ELOVL6: variants seen among roughly 807,000 people sequenced by gnomAD.
ELOVL6 encodes the protein very long chain fatty acid elongase 6.
ELOVL6 carries 8 observed loss-of-function variants against 31.7 expected under a neutral mutation model. That is an observed-to-expected ratio of 0.25 (90% CI 0.15 to 0.45). The LOEUF is 0.45. Ranked by LOEUF, ELOVL6 falls within the 20% of genes least tolerant of loss-of-function variation. The pLI is 1.00. For missense variants in ELOVL6, 126 were observed against 326.4 expected (o/e 0.39, Z 4.73); for synonymous variants, 101 against 117.7 (o/e 0.86, Z 0.92).
chr4:110,185,816 C>T (rs1578288014), intron 1 of ELOVL6, among the ~76,000 whole-genome samples: 1 of 142,568 alleles, frequency 7.0e-6, no homozygotes, highest in South Asian at 2.2e-4. Flanking sequence ...TACCTTCAAT[C>T]AGCCACTCCA....
chr4:110,109,182 A>C (rs1208037296), intron 1 of ELOVL6, among the ~76,000 whole-genome samples: 1 of 152,184 alleles, frequency 6.6e-6, no homozygotes, highest in African/African-American at 2.4e-5. Context: ...GCAGGCCTCC[A>C]TACTTGGGTA....
chr4:110,059,427 A>T (rs1235933061), intron 3 of ELOVL6, among the ~76,000 whole-genome samples, 176 bp downstream of exon 3: 1 of 152,256 alleles, frequency 6.6e-6, no homozygotes, highest in Non-Finnish European at 1.5e-5. Flanking sequence ...ATTATTTAAA[A>T]GGAAAGAGGG....
intron 1 of ELOVL6, among the ~76,000 whole-genome samples, chr4:110,196,242 G>A (rs1759775995): frequency 6.6e-6 from 1 of 152,226 alleles, no homozygotes; most frequent in African/African-American, 2.4e-5. Flanking sequence ...GTTAAACCAG[G>A]ACGCAGCAAG....
chr4:110,065,085 C>A (rs1186110786), intron 2 of ELOVL6, among the ~76,000 whole-genome samples: 1 of 152,012 alleles, frequency 6.6e-6, no homozygotes, highest in Non-Finnish European at 1.5e-5. Context: ...AGACAACAAA[C>A]ATGAAAATAA....
At chr4:110,066,637 CAA>C (rs1209180349) in intron 2 of ELOVL6, among the ~76,000 whole-genome samples, 2,726 of 56,312 alleles carry the variant, frequency 0.048, 15 homozygotes, top group African/African-American at 0.11. Context: ...TCTGTCTCAA[CAA>C]AAAAAAAAAA....
At chr4:110,138,081 C>T (rs556207692) in intron 1 of ELOVL6, among the ~76,000 whole-genome samples, 7 of 152,294 alleles carry the variant, frequency 4.6e-5, no homozygotes, top group Admixed American at 2.0e-4. Context: ...AGTTCTTCCA[C>T]GTTATTGCTT....
intron 3 of ELOVL6, among the ~76,000 whole-genome samples, chr4:110,057,096 C>T (rs975785525): frequency 1.3e-5 from 2 of 152,130 alleles, no homozygotes; most frequent in Non-Finnish European, 2.9e-5. Context: ...GGTGGCATTT[C>T]AATAAATTAT....
chr4:110,171,563 C>T (rs1277026384), intron 1 of ELOVL6, among the ~76,000 whole-genome samples: 2 of 151,764 alleles, frequency 1.3e-5, no homozygotes, highest in Non-Finnish European at 2.9e-5. Flanking sequence ...TTCCAGATAG[C>T]TGAGCACCTG....
chr4:110,127,237 T>A (rs952482446), intron 1 of ELOVL6, among the ~76,000 whole-genome samples: 1 of 151,592 alleles, frequency 6.6e-6, no homozygotes, highest in Non-Finnish European at 1.5e-5. Flanking sequence ...TGAAACCCTG[T>A]CTCTACTAAA....
At position 110,158,446 on chromosome 4, in the gene ELOVL6, G is replaced by A. The variant is rs576712116; in HGVS notation, c.89+39801C>T. Reference sequence around the variant, plus strand: ...TGAGAAGGAACACAACTCTTAGGAAGAAAAACTCCACACTCATTAACATTT... The same window carrying A: ...TGAGAAGGAACACAACTCTTAGGAAAAAAAACTCCACACTCATTAACATTT... On this transcript the variant is annotated intron_variant, in intron 1 of 3. Transcript: ENST00000302274. 2.0e-5 allele frequency among the ~76,000 whole-genome samples: 3 copies of A among 151,096 alleles called. No homozygotes were observed. The South Asian group carries it at 6.3e-4, about 32-fold the overall frequency.
rs778344710 is a variant in ELOVL6, at chr4:110,049,694, C to T, written c.*1644G>A. The T allele has an allele frequency of 1.3e-5, 2 of 149,620 alleles. No individual in the cohort carries two copies. Among genetic ancestry groups the T allele is most frequent in the East Asian group, 1.9e-4 (1 of 5,136 alleles). 9.3% of individuals were successfully genotyped at this position (149,620 alleles called of 1,614,324 possible). The stretch of plus-strand genomic sequence containing the variant: ...CTGTGTGTGTATGCGTGGCTATGTG[C>T]GTGTAATCTATGCAGTGTGGAAGCC... On this transcript the variant is annotated 3_prime_UTR_variant, in exon 4 of 4. Coordinates refer to ENST00000302274, the MANE Select transcript of ELOVL6 (RefSeq NM_024090.3).
chr4:110,068,483 C>G (rs1422931690), intron 2 of ELOVL6, among the ~76,000 whole-genome samples: 1 of 152,126 alleles, frequency 6.6e-6, no homozygotes, highest in Non-Finnish European at 1.5e-5. Flanking sequence ...CACCAATCCC[C>G]CTGATAAGTC....
intron 1 of ELOVL6, among the ~76,000 whole-genome samples, chr4:110,134,278 T>C (rs753729740): frequency 2.0e-5 from 3 of 152,160 alleles, no homozygotes; most frequent in Non-Finnish European, 4.4e-5. Context: ...GCATAATTGA[T>C]GTCTGTTTCT....
At chr4:110,078,767 A>G (rs1755735480) in intron 2 of ELOVL6, among the ~76,000 whole-genome samples, 1 of 152,238 alleles carries the variant, frequency 6.6e-6, no homozygotes, top group Admixed American at 6.5e-5. Flanking sequence ...AATGGGCTAA[A>G]TGCTCCAAAT....
Position 110,059,728 on chromosome 4 carries a change from G to A in ELOVL6, c.248C>T (p.Ala83Val), listed in dbSNP as rs774960240. The part of the protein sequence containing the change: ...FSIFGALRTG[A>V]YMVYILMTKG... ...GGTCATCAAAATGTACACCATATAA[G>A]CACCAGTTCGAAGAGCACCGAATAT... Residue 83 changes from alanine (A) to valine (V), a missense_variant, in exon 3 of 4, where the codon GCT becomes GTT. This residue lies in a region of ELOVL6 where 53 missense variants were observed against 193.4 expected (regional missense o/e 0.27). Coordinates refer to ENST00000302274, the MANE Select transcript of ELOVL6 (RefSeq NM_024090.3). 1 of 1,613,774 alleles carries A rather than the reference G, an allele frequency of 6.2e-7. No homozygotes were observed. The highest frequency in any genetic ancestry group is 8.5e-7 in the Non-Finnish European group (1 of 1,179,870).
At chr4:110,099,515 A>C (rs186842979) in intron 2 of ELOVL6, among the ~76,000 whole-genome samples, 53 of 152,336 alleles carry the variant, frequency 3.5e-4, no homozygotes, top group African/African-American at 1.2e-3. Context: ...AGCAAAAACA[A>C]TTGAGGCCAG....
intron 3 of ELOVL6, among the ~76,000 whole-genome samples, chr4:110,057,851 AG>A (rs113396876): frequency 0.021 from 2,712 of 128,320 alleles, 198 homozygotes; most frequent in African/African-American, 0.077. Context: ...ACTCTGTCTC[AG>A]GGAAAAAAAA....
chr4:110,187,418 G>C (rs1013787646), intron 1 of ELOVL6, among the ~76,000 whole-genome samples: 8 of 150,666 alleles, frequency 5.3e-5, no homozygotes, highest in East Asian at 1.9e-4. Flanking sequence ...ACAAATGAAG[G>C]CTTCTCAAGT....
intron 2 of ELOVL6, among the ~76,000 whole-genome samples, chr4:110,079,054 T>C (rs920266483): frequency 3.3e-5 from 5 of 152,162 alleles, no homozygotes; most frequent in South Asian, 2.1e-4. Flanking sequence ...CCTAAATATA[T>C]ATGCACTCAA....
Sources: allele counts gnomAD v4.1 joint callset (sites outside exome capture counted in the v4.1 genomes callset), GRCh38; gene constraint gnomAD v4.1.1; regional missense constraint gnomAD v4.1.1; transcripts MANE v1.5; gene names NCBI Gene and HGNC (gene_info 2026-07-23, HGNC 2026-07-21).